The following CSNK1A1 variants were observed in gnomAD, a reference collection of about 807,000 sequenced individuals.
The protein encoded by CSNK1A1 is casein kinase 1 alpha 1, also known as casein kinase I isoform alpha.
A neutral mutation model predicts 46.1 loss-of-function variants in CSNK1A1; 7 were observed. That is an observed-to-expected ratio of 0.15 (90% CI 0.09 to 0.29). CSNK1A1 has a LOEUF of 0.29. CSNK1A1 is among the 10% of genes least tolerant of loss of function. CSNK1A1 has a pLI of 1.00. For synonymous variants in CSNK1A1, 137 were observed against 141.5 expected (o/e 0.97, Z 0.23); for missense variants, 96 against 417.1 (o/e 0.23, Z 6.71).
chr5:149,550,513 TA>T lies in CSNK1A1; in HGVS notation c.123+328del, dbSNP rs11478467. Among the ~76,000 whole-genome samples the T allele has an allele frequency of 0.63, 90,639 of 144,198 alleles. 28,627 individuals carry two copies. Among genetic ancestry groups the T allele is most frequent in the East Asian group, 0.9 (4,484 of 4,964 alleles). 94.6% of individuals were successfully genotyped at this position (144,198 alleles called of 152,430 possible). A position where few individuals can be genotyped will look rare whatever the true frequency, so the allele number is the denominator to read the frequency against. On this transcript the variant is annotated intron_variant, in intron 1 of 9. Transcript: ENST00000377843. This position sits in a 1 kb window ranked among gnomAD's most constrained non-coding sequence, Gnocchi z 4.3. ...CAAGAGGCCCAGTAGAATTAAGAAT[TA>T]AAAAAAAAAAAACATGGGAATCACT...
chr5:149,496,647 T>A lies in CSNK1A1; in HGVS notation c.*206A>T. ...CATGTTTCACTATCTCAGTTAATAT[T>A]CACAATTACAGAGGCTACAACTCAG... On this transcript the variant is annotated 3_prime_UTR_variant, in exon 10 of 10. Coordinates refer to ENST00000377843, the MANE Select transcript of CSNK1A1 (RefSeq NM_001892.6). 2.1e-6 allele frequency: 1 copy of A among 484,292 alleles called. No individual in the cohort carries two copies. The highest frequency in any genetic ancestry group is 3.4e-6 in the Non-Finnish European group (1 of 295,308). The allele number at this position is 484,292 out of a possible 1,614,324, so 30.0% of individuals were successfully genotyped here.
At chr5:149,508,952 G>A (rs1215233755) in intron 7 of CSNK1A1, among the ~76,000 whole-genome samples, 1 of 151,990 alleles carries the variant, frequency 6.6e-6, no homozygotes, top group Non-Finnish European at 1.5e-5. Context: ...TGTTGAGACA[G>A]GGTCTCACTC....
At chr5:149,499,967 C>CTTTTTTTTTTTTTT (rs1162496799) in intron 9 of CSNK1A1, among the ~76,000 whole-genome samples, 3 of 77,710 alleles carry the variant, frequency 3.9e-5, no homozygotes, top group Admixed American at 2.0e-4. Context: ...TTCTTTTTTT[C>CTTTTTTTTTTTTTT]TTTTTTTTTT....
At chr5:149,497,119 T>C (rs1364220024) in intron 9 of CSNK1A1, 1 of 1,213,586 alleles carries the variant, frequency 8.2e-7, no homozygotes, top group Non-Finnish European at 1.0e-6. Flanking sequence ...ACTAAAATAA[T>C]TATTAGTAAT....
chr5:149,505,641 CCA>C, intron 8 of CSNK1A1, 46 bp from the exon 9 acceptor site: 1 of 1,515,328 alleles, frequency 6.6e-7, no homozygotes, highest in East Asian at 2.3e-5. Flanking sequence ...ATAACAGAGT[CCA>C]GTTATATAAC....
chr5:149,527,297 T>C (rs1192473767), intron 2 of CSNK1A1, among the ~76,000 whole-genome samples: 2 of 152,024 alleles, frequency 1.3e-5, no homozygotes, highest in Non-Finnish European at 2.9e-5. Context: ...CCAGCTAATT[T>C]TTGTATTTTT....
At chr5:149,500,468 A>G (rs1760815310) in intron 9 of CSNK1A1, among the ~76,000 whole-genome samples, 1 of 150,698 alleles carries the variant, frequency 6.6e-6, no homozygotes, top group African/African-American at 2.4e-5. Flanking sequence ...TAGTAAAGAC[A>G]GGGTTTCACT....
At chr5:149,548,971 C>T (rs1036388599) in intron 2 of CSNK1A1, among the ~76,000 whole-genome samples, 1 of 152,186 alleles carries the variant, frequency 6.6e-6, no homozygotes. Flanking sequence ...ATTTTAGTCT[C>T]CATTCCATGA....
In CSNK1A1 at chr5:149,525,893, T is replaced by A. The variant is rs535143475; in HGVS notation, c.231-722A>T. ...TCTGGTAAGAGTACTTTCCTTAAAA[T>A]AAGCACTACCACTTTTCTTTCAAAC... On this transcript the variant is annotated intron_variant, in intron 2 of 9. Transcript: ENST00000377843. The surrounding 1 kb of genome is among the most constrained non-coding windows in gnomAD (Gnocchi z 4.2). Among the ~76,000 whole-genome samples the A allele has an allele frequency of 6.6e-6, 1 of 152,236 alleles. No homozygotes were observed. Among genetic ancestry groups the A allele is most frequent in the East Asian group, 1.9e-4 (1 of 5,202 alleles).
chr5:149,498,539 A>C, intron 9 of CSNK1A1: 1 of 985,290 alleles, frequency 1.0e-6, no homozygotes, highest in African/African-American at 1.7e-5. Flanking sequence ...AAAGAAAAAA[A>C]GTACAATACA....
intron 3 of CSNK1A1, among the ~76,000 whole-genome samples, chr5:149,523,734 T>C (rs1761646769): frequency 6.6e-6 from 1 of 152,246 alleles, no homozygotes; most frequent in African/African-American, 2.4e-5. Flanking sequence ...TGTGATATTT[T>C]GTTACATGTA....
Position 149,545,160 on chromosome 5 carries a change from TG to T in CSNK1A1, c.230+4914del, listed in dbSNP as rs945584432. 3.4e-4 allele frequency among the ~76,000 whole-genome samples: 52 copies of T among 151,510 alleles called. 1 individual carries two copies. Among genetic ancestry groups the T allele is most frequent in the African/African-American group, 1.2e-3 (50 of 41,326 alleles). ...ACTGTGGGGCACAGTGGGAGTGGGC[TG>T]GGGTTCAGTGCCCCTAACCCCAGCA... On this transcript the variant is annotated intron_variant, in intron 2 of 9. Transcript: ENST00000377843.
intron 2 of CSNK1A1, chr5:149,549,263 C>T: frequency 1.9e-6 from 1 of 519,838 alleles, no homozygotes; most frequent in Non-Finnish European, 3.5e-6. Context: ...CTCAAACTGC[C>T]TTTGCCACTA....
intron 2 of CSNK1A1, among the ~76,000 whole-genome samples, chr5:149,528,452 G>A (rs925822784): frequency 6.6e-6 from 1 of 152,112 alleles, no homozygotes; most frequent in South Asian, 2.1e-4. Context: ...AAGCTAGAAC[G>A]TCACACCCTC....
In CSNK1A1 at chr5:149,513,360, A is replaced by AC. The variant is rs368697089; in HGVS notation, c.457-152dup. ...AGAACAGATAATGAACAGACTTAAC[A>AC]CCCCCCCATAAGCTTTTACTAGTCT... On this transcript the variant is annotated intron_variant, in intron 4 of 9. Transcript: ENST00000377843. 2.7e-4 allele frequency: 182 copies of AC among 665,458 alleles called. 1 individual carries two copies. The highest frequency in any genetic ancestry group is 1.7e-3 in the African/African-American group (89 of 53,816). 41.2% of individuals were successfully genotyped at this position (665,458 alleles called of 1,614,324 possible).
chr5:149,546,798 C>T (rs190863220), intron 2 of CSNK1A1, among the ~76,000 whole-genome samples: 1 of 152,248 alleles, frequency 6.6e-6, no homozygotes, highest in Admixed American at 6.5e-5. Context: ...CTAGCTAACA[C>T]TAAATAGTCA....
chr5:149,499,028 G>T, intron 9 of CSNK1A1: 1 of 985,402 alleles, frequency 1.0e-6, no homozygotes, highest in South Asian at 4.7e-5. Context: ...CTTCAAATGG[G>T]TCAATGGTAT....
intron 5 of CSNK1A1, among the ~76,000 whole-genome samples, chr5:149,512,285 C>G (rs1235935737): frequency 2.6e-5 from 4 of 151,616 alleles, no homozygotes; most frequent in Non-Finnish European, 5.9e-5. Context: ...GCATACATAT[C>G]TATATACACA....
At chr5:149,549,121 G>T (rs1762576956) in intron 2 of CSNK1A1, among the ~76,000 whole-genome samples, 1 of 152,036 alleles carries the variant, frequency 6.6e-6, no homozygotes, top group East Asian at 1.9e-4. Flanking sequence ...ACCAACAAAG[G>T]CCCCAATTTC....
Sources: allele counts gnomAD v4.1 joint callset (sites outside exome capture counted in the v4.1 genomes callset), GRCh38; gene constraint gnomAD v4.1.1; non-coding constraint Gnocchi (gnomAD v3.1); transcripts MANE v1.5; gene names NCBI Gene and HGNC (gene_info 2026-07-23, HGNC 2026-07-21).